The following FGF14 variants were observed in gnomAD, a reference collection of about 807,000 sequenced individuals.
FGF14 encodes fibroblast growth factor 14.
FGF14 carries 5 observed loss-of-function variants against 25.5 expected under a neutral mutation model. That is an observed-to-expected ratio of 0.20 (90% CI 0.10 to 0.41). The LOEUF is 0.41. Ranked by LOEUF, FGF14 falls within the 10% of genes least tolerant of loss-of-function variation. The probability of loss-of-function intolerance (pLI) is 1.00; values close to 1 mark genes in which losing one functional copy is unlikely to be tolerated. For missense variants in FGF14, 222 were observed against 320.1 expected (o/e 0.69, Z 2.34); for synonymous variants, 138 against 118.3 (o/e 1.17, Z -1.08).
chr13:101,722,634 A>G lies in FGF14; in HGVS notation c.*197T>C. ...TTCCATGGTCTGAGTTTAGCTGGTT[A>G]TCCAGGTGTCTTCTTGTTGTGGGGG... On this transcript the variant is annotated 3_prime_UTR_variant, in exon 5 of 5. Transcript: ENST00000376143. The G allele has an allele frequency of 3.0e-6, 2 of 666,838 alleles. No individual in the cohort carries two copies. The highest frequency in any genetic ancestry group is 2.6e-6 in the Non-Finnish European group (1 of 384,834). 41.3% of individuals were successfully genotyped at this position (666,838 alleles called of 1,614,324 possible). A position where few individuals can be genotyped will look rare whatever the true frequency, so the allele number is the denominator to read the frequency against.
At chr13:101,885,715 A>C (rs1324680610) in intron 1 of FGF14, among the ~76,000 whole-genome samples, 1 of 151,926 alleles carries the variant, frequency 6.6e-6, no homozygotes, top group African/African-American at 2.4e-5. Flanking sequence ...AAAAAAAAAA[A>C]AACTGCAGGG....
intron 1 of FGF14, among the ~76,000 whole-genome samples, chr13:102,157,968 G>A (rs1020298343): frequency 2.3e-4 from 35 of 152,260 alleles, no homozygotes; most frequent in Middle Eastern, 3.4e-3. Flanking sequence ...AAACCATAAT[G>A]AGATACCATC....
chr13:101,817,312 T>C (rs2041893514), intron 3 of FGF14, among the ~76,000 whole-genome samples: 1 of 152,166 alleles, frequency 6.6e-6, no homozygotes, highest in South Asian at 2.1e-4. Context: ...AAGTTTGTCT[T>C]ACAATTAATT....
At chr13:101,900,992 T>C (rs1029793715) in intron 1 of FGF14, among the ~76,000 whole-genome samples, 5 of 152,162 alleles carry the variant, frequency 3.3e-5, no homozygotes, top group Admixed American at 6.6e-5. Flanking sequence ...TCTTCAACTT[T>C]AGTCTTGCTT....
chr13:102,108,904 T>C (rs965673603), intron 1 of FGF14, among the ~76,000 whole-genome samples: 1 of 152,216 alleles, frequency 6.6e-6, no homozygotes, highest in African/African-American at 2.4e-5. Flanking sequence ...TGTTACTTCA[T>C]CTTTTATACG....
chr13:101,968,690 A>AAAAAAC (rs2037391637), intron 1 of FGF14, among the ~76,000 whole-genome samples: 1 of 150,810 alleles, frequency 6.6e-6, no homozygotes, highest in African/African-American at 2.4e-5. Flanking sequence ...AAAAAAAAAA[A>AAAAAAC]CCTCAATATC....
chr13:101,788,070 G>T (rs1168551790), intron 3 of FGF14, among the ~76,000 whole-genome samples: 1 of 152,032 alleles, frequency 6.6e-6, no homozygotes, highest in Non-Finnish European at 1.5e-5. Context: ...ACAGGGTTTT[G>T]CCATGTTGGT....
At chr13:101,970,266 T>A (rs988201112) in intron 1 of FGF14, among the ~76,000 whole-genome samples, 2 of 135,506 alleles carry the variant, frequency 1.5e-5, no homozygotes, top group Admixed American at 8.2e-5. Flanking sequence ...CAGGAAACAT[T>A]TATTCAATTC....
At chr13:102,094,198 C>T (rs1352453083) in intron 1 of FGF14, among the ~76,000 whole-genome samples, 3 of 151,698 alleles carry the variant, frequency 2.0e-5, no homozygotes, top group African/African-American at 7.3e-5. Context: ...TATGTAGATA[C>T]AGAATTGCTA....
chr13:102,092,439 C>G (rs1040602188), intron 1 of FGF14, among the ~76,000 whole-genome samples: 1 of 152,106 alleles, frequency 6.6e-6, no homozygotes, highest in Non-Finnish European at 1.5e-5. Flanking sequence ...TAAAATAAGG[C>G]AGAGGCAGAA....
chr13:101,729,032 G>T (rs765093712), intron 3 of FGF14, among the ~76,000 whole-genome samples: 1 of 151,932 alleles, frequency 6.6e-6, no homozygotes, highest in South Asian at 2.1e-4. Flanking sequence ...ATTTATTCTC[G>T]GTGGATACCT....
At chr13:101,725,146 G>A (rs1037243829) in intron 4 of FGF14, among the ~76,000 whole-genome samples, 2 of 151,932 alleles carry the variant, frequency 1.3e-5, no homozygotes, top group Non-Finnish European at 2.9e-5. Flanking sequence ...GATAAAGCAC[G>A]GTGGCAAATA....
chr13:101,947,337 C>A (rs1239501764), intron 1 of FGF14, among the ~76,000 whole-genome samples: 1 of 152,192 alleles, frequency 6.6e-6, no homozygotes, highest in Admixed American at 6.5e-5. Flanking sequence ...ACTGAGTATA[C>A]ACCCAAAGGA....
chr13:101,870,953 AAAAT>A (rs574692031), intron 2 of FGF14, among the ~76,000 whole-genome samples: 334 of 148,740 alleles, frequency 2.2e-3, no homozygotes, highest in African/African-American at 7.1e-3. Flanking sequence ...CTCCATCTCA[AAAAT>A]AAATAAATAA....
rs941870625 is a variant in FGF14, at chr13:101,732,105, CAT to C, written c.409-5297_409-5296del. 7.8e-4 allele frequency among the ~76,000 whole-genome samples: 119 copies of C among 152,272 alleles called. 1 individual carries two copies. Among genetic ancestry groups the C allele is most frequent in the Middle Eastern group, 6.8e-3 (2 of 294 alleles). On this transcript the variant is annotated intron_variant, in intron 3 of 4. Transcript: ENST00000376143. Reference sequence around the variant, plus strand: ...TTGCACATATTTTCACATATGCAAACATATACAACTTGAAGGAGGAGCTTCAC... The same window carrying C: ...TTGCACATATTTTCACATATGCAAACATACAACTTGAAGGAGGAGCTTCAC...
At chr13:101,964,728 A>G (rs1387252401) in intron 1 of FGF14, among the ~76,000 whole-genome samples, 1 of 151,840 alleles carries the variant, frequency 6.6e-6, no homozygotes, top group Non-Finnish European at 1.5e-5. Flanking sequence ...CAATTAAAGA[A>G]TAGTATTTCC....
chr13:102,076,652 T>C (rs768551287), intron 1 of FGF14, among the ~76,000 whole-genome samples: 9 of 152,094 alleles, frequency 5.9e-5, no homozygotes, highest in Admixed American at 5.2e-4. Flanking sequence ...CACAAATAAA[T>C]TGAAGACACA....
intron 1 of FGF14, among the ~76,000 whole-genome samples, chr13:102,086,011 T>C (rs2043877741): frequency 6.6e-6 from 1 of 152,234 alleles, no homozygotes; most frequent in African/African-American, 2.4e-5. Flanking sequence ...ATGTGTTTAC[T>C]ATCCAAGGTC....
intron 1 of FGF14, among the ~76,000 whole-genome samples, chr13:102,191,541 A>C (rs1187513033): frequency 6.6e-6 from 1 of 152,046 alleles, no homozygotes; most frequent in African/African-American, 2.4e-5. Context: ...ATCTCATCTA[A>C]CCTTATTTAT....
Sources: allele counts gnomAD v4.1 joint callset (sites outside exome capture counted in the v4.1 genomes callset), GRCh38; gene constraint gnomAD v4.1.1; transcripts MANE v1.5; gene names NCBI Gene and HGNC (gene_info 2026-07-23, HGNC 2026-07-21).